The following CFAP47 variants were observed in gnomAD, a reference collection of about 807,000 sequenced individuals.
The protein encoded by CFAP47 is cilia- and flagella-associated protein 47.
Under a neutral mutation model 148.1 loss-of-function variants are expected in CFAP47, and 29 were observed. The observed-to-expected ratio is 0.20, with a 90% CI of 0.15 to 0.27. The LOEUF (loss-of-function observed/expected upper bound fraction) is 0.27, where lower values mean the gene tolerates loss of function less well. Ranked by LOEUF, CFAP47 falls within the 10% of genes least tolerant of loss-of-function variation. CFAP47 has a pLI of 1.00. For synonymous variants in CFAP47, 664 were observed against 577.3 expected, an observed-to-expected ratio of 1.15 and a Z score of -2.15; for missense variants, 1,872 against 1,697.5, an observed-to-expected ratio of 1.10 and a Z score of -1.81.
chrX:36,038,212 A>G (rs911428611), intron 24 of CFAP47, among the ~76,000 whole-genome samples: 2 of 111,910 alleles, frequency 1.8e-5, no homozygotes, highest in African/African-American at 3.2e-5. Flanking sequence ...CTCTGAAGAT[A>G]CCCTTGATGG....
chrX:36,123,540 G>A (rs1473808542), intron 33 of CFAP47, among the ~76,000 whole-genome samples: 1 of 111,427 alleles, frequency 9.0e-6, no homozygotes, highest in African/African-American at 3.3e-5. Context: ...CTCTCCGAAG[G>A]CAGAGGAGCC....
intron 33 of CFAP47, among the ~76,000 whole-genome samples, chrX:36,123,607 G>GT (rs898572857): frequency 1.8e-5 from 2 of 110,599 alleles, no homozygotes; most frequent in African/African-American, 3.3e-5. Flanking sequence ...GACCACTGAT[G>GT]TTTTTTTTAG....
intron 9 of CFAP47, 109 bp downstream of exon 9, chrX:35,966,863 T>A: frequency 1.9e-6 from 1 of 519,030 alleles, no homozygotes; most frequent in Non-Finnish European, 2.9e-6. Flanking sequence ...GTGAAAGAAG[T>A]GCTTTTAGCA....
At chrX:36,068,579 G>A (rs1937683311) in intron 27 of CFAP47, among the ~76,000 whole-genome samples, 1 of 111,867 alleles carries the variant, frequency 8.9e-6, no homozygotes, top group African/African-American at 3.2e-5. Context: ...AGCAATTTAT[G>A]GAATAATGCA....
At chrX:36,079,522 T>C (rs1261100765) in intron 29 of CFAP47, among the ~76,000 whole-genome samples, 1 of 111,731 alleles carries the variant, frequency 9.0e-6, no homozygotes, top group East Asian at 2.8e-4. Flanking sequence ...GGTTTTCAGC[T>C]CCGTCTGGTT....
chrX:36,064,742 G>T (rs950233246), intron 26 of CFAP47, among the ~76,000 whole-genome samples: 17 of 111,399 alleles, frequency 1.5e-4, no homozygotes, highest in African/African-American at 5.5e-4. Context: ...AATTAATAAG[G>T]CAGTATTAAG....
intron 15 of CFAP47, among the ~76,000 whole-genome samples, chrX:35,977,316 G>A: frequency 8.9e-6 from 1 of 112,005 alleles, no homozygotes; most frequent in Non-Finnish European, 1.9e-5. Context: ...ATGGAGAGAT[G>A]ACTACATCTC....
At chrX:35,959,899 A>AC (rs1410162052) in intron 8 of CFAP47, among the ~76,000 whole-genome samples, 1 of 109,026 alleles carries the variant, frequency 9.2e-6, no homozygotes, top group African/African-American at 3.3e-5. Flanking sequence ...AAAAAAAAAA[A>AC]AACTATTTGT....
intron 36 of CFAP47, among the ~76,000 whole-genome samples, 195 bp from the exon 37 acceptor site, chrX:36,148,901 ATGTGTGTGTGTG>A (rs60968920): frequency 3.1e-4 from 29 of 92,262 alleles, no homozygotes; most frequent in Admixed American, 6.0e-4. Flanking sequence ...AACTGTATGT[ATGTGTGTGTGTG>A]TGTGTGTGTG....
At chrX:36,338,672 A>G (rs1267546605) in intron 57 of CFAP47, among the ~76,000 whole-genome samples, 1 of 111,295 alleles carries the variant, frequency 9.0e-6, no homozygotes, top group Non-Finnish European at 1.9e-5. Context: ...TTCTCTTTTC[A>G]TTTCTATCCA....
chrX:35,920,564 G>T (rs1037599381), intron 1 of CFAP47, among the ~76,000 whole-genome samples: 8 of 111,639 alleles, frequency 7.2e-5, no homozygotes, highest in Non-Finnish European at 1.3e-4. Context: ...ATAGAACTTA[G>T]AAACTAATGA....
intron 53 of CFAP47, among the ~76,000 whole-genome samples, 187 bp downstream of exon 53, chrX:36,301,366 T>A (rs1374703570): frequency 1.8e-5 from 2 of 110,618 alleles, no homozygotes; most frequent in Admixed American, 9.8e-5. Flanking sequence ...TAAAAACAAA[T>A]CAGGACTTAG....
intron 61 of CFAP47, among the ~76,000 whole-genome samples, chrX:36,362,757 A>T (rs1311889949): frequency 8.9e-6 from 1 of 112,098 alleles, no homozygotes; most frequent in Admixed American, 9.5e-5. Context: ...GTAGTCATAC[A>T]TCTAAAGTGG....
intron 32 of CFAP47, among the ~76,000 whole-genome samples, chrX:36,103,756 G>T (rs73470984): frequency 1.8e-5 from 2 of 110,200 alleles, no homozygotes; most frequent in South Asian, 7.6e-4. Flanking sequence ...TGCTCCATTC[G>T]GAAACTCTTG....
chrX:36,258,659 C>T (rs782074214), intron 49 of CFAP47, among the ~76,000 whole-genome samples: 19 of 111,683 alleles, frequency 1.7e-4, no homozygotes, highest in African/African-American at 5.8e-4. Context: ...AGGCCACCAT[C>T]GACATATAAT....
intron 53 of CFAP47, among the ~76,000 whole-genome samples, chrX:36,301,645 A>T (rs1556007878): frequency 1.8e-5 from 2 of 110,863 alleles, no homozygotes; most frequent in East Asian, 5.8e-4. Context: ...ACAAAGGGTC[A>T]TGTTACTTTG....
intron 29 of CFAP47, among the ~76,000 whole-genome samples, chrX:36,083,085 T>C (rs1313332083): frequency 9.0e-6 from 1 of 110,989 alleles, no homozygotes; most frequent in African/African-American, 3.3e-5. Flanking sequence ...CAGTAGAGAG[T>C]CAGTTTAAAA....
chrX:36,379,938 T>TA lies in CFAP47; in HGVS notation c.9354+428dup, dbSNP rs201486391. 734 of 105,787 alleles carry TA rather than the reference T, an allele frequency of 6.9e-3. 5 individuals are homozygous for TA. The highest frequency in any genetic ancestry group is 0.024 in the African/African-American group (693 of 28,620). 8.7% of individuals were successfully genotyped at this position (105,787 alleles called of 1,213,427 possible). A position where few individuals can be genotyped will look rare whatever the true frequency, so the allele number is the denominator to read the frequency against. On this transcript the variant is annotated intron_variant, in intron 63 of 63. Transcript: ENST00000378653. ...ATTGGCAAGATGTTGAAGTCTAACA[T>TA]AAAAAAAAGGAATAATATATAACAT...
At chrX:36,130,249 A>T (rs932088473) in intron 33 of CFAP47, among the ~76,000 whole-genome samples, 2 of 111,394 alleles carry the variant, frequency 1.8e-5, no homozygotes, top group Non-Finnish European at 3.8e-5. Flanking sequence ...ATAATCTGAT[A>T]AAAAATGGGC....
Sources: gnomAD v4.1 joint callset for allele counts (sites outside exome capture counted in the v4.1 genomes callset) on GRCh38, gnomAD v4.1.1 for gene constraint, MANE v1.5 for transcripts, NCBI Gene and HGNC (gene_info 2026-07-23, HGNC 2026-07-21) for gene names.